Variants in PDCL2 observed in about 807,000 individuals in gnomAD.
The protein encoded by PDCL2 is phosducin-like protein 2.
In PDCL2, 23 loss-of-function variants were observed where a neutral mutation model predicts 30.3. The observed-to-expected ratio is 0.76, with a 90% CI of 0.55 to 1.08. PDCL2 has a LOEUF of 1.08. PDCL2 is among the 50% of genes least tolerant of loss of function. The pLI, the probability that PDCL2 is intolerant of heterozygous loss-of-function variation, is 0.00. For missense variants in PDCL2, 243 were observed against 282.3 expected (o/e 0.86, Z 1.00); for synonymous variants, 68 against 86.2 (o/e 0.79, Z 1.17).
intron 4 of PDCL2, among the ~76,000 whole-genome samples, chr4:55,565,750 C>A (rs1156477062): frequency 6.6e-6 from 1 of 152,082 alleles, no homozygotes; most frequent in Non-Finnish European, 1.5e-5. Flanking sequence ...ACCTCAGCCT[C>A]CAAATTTTGG....
chr4:55,560,015 T>C (rs957962643), intron 5 of PDCL2, among the ~76,000 whole-genome samples: 1 of 152,178 alleles, frequency 6.6e-6, no homozygotes, highest in Non-Finnish European at 1.5e-5. Flanking sequence ...GAGTTTGTTA[T>C]GTAAGATGAA....
At chr4:55,592,080 G>A (rs1184986248) in intron 1 of PDCL2, 24 bp downstream of exon 1, 4 of 1,608,294 alleles carry the variant, frequency 2.5e-6, no homozygotes, top group Non-Finnish European at 3.4e-6. Flanking sequence ...GTTCCAGGGT[G>A]GCTCGGCAGG....
intron 1 of PDCL2, among the ~76,000 whole-genome samples, chr4:55,590,196 C>CAAAAAAAAAAAAAAAAAAAAAAAAAAA: frequency 2.7e-5 from 1 of 37,094 alleles, no homozygotes; most frequent in Non-Finnish European, 4.2e-5. Flanking sequence ...GGCTCTGTCT[C>CAAAAAAAAAAAAAAAAAAAAAAAAAAA]AAAAAAAAAA....
chr4:55,591,800 T>C lies in PDCL2; in HGVS notation c.6+304A>G, dbSNP rs1733009280. On this transcript the variant is annotated intron_variant, in intron 1 of 5. Transcript: ENST00000295645. The stretch of plus-strand genomic sequence containing the variant: ...CACTTGGGCTAACGTTGCCGCTCTA[T>C]TAAGTCAAAAATAGTATTCAGCAGT... 1.3e-5 allele frequency among the ~76,000 whole-genome samples: 2 copies of C among 152,188 alleles called. 1 individual carries two copies. Among genetic ancestry groups the C allele is most frequent in the South Asian group, 4.1e-4 (2 of 4,828 alleles).
Position 55,582,241 on chromosome 4 carries a change from C to T in PDCL2, c.7-4G>A, listed in dbSNP as rs1463432253. 6.3e-7 allele frequency: 1 copy of T among 1,584,220 alleles called. No homozygotes were observed. Among genetic ancestry groups the T allele is most frequent in the Non-Finnish European group, 8.5e-7 (1 of 1,171,418 alleles). ...ATTCTGTATCTTCATTGGGATCCTACACAAAAAGAAAAGAAAAGAAAATTA... is the reference window on the plus strand; with the variant it reads ...ATTCTGTATCTTCATTGGGATCCTATACAAAAAGAAAAGAAAAGAAAATTA... On this transcript the variant is annotated splice_region_variant and splice_polypyrimidine_tract_variant and intron_variant, in intron 1 of 5. Transcript: ENST00000295645.
At chr4:55,557,301 G>A (rs1424774510) in intron 5 of PDCL2, among the ~76,000 whole-genome samples, 1 of 152,220 alleles carries the variant, frequency 6.6e-6, no homozygotes, top group Non-Finnish European at 1.5e-5. Flanking sequence ...ATAAAGAACA[G>A]AGATTTATTT....
intron 1 of PDCL2, among the ~76,000 whole-genome samples, chr4:55,582,765 G>GCCCC (rs1732759957): frequency 7.6e-6 from 1 of 132,008 alleles, no homozygotes; most frequent in Non-Finnish European, 1.6e-5. Context: ...CCTCCCCCAA[G>GCCCC]CCCATGACAG....
chr4:55,589,084 C>T (rs1221415850), intron 1 of PDCL2, among the ~76,000 whole-genome samples: 1 of 152,134 alleles, frequency 6.6e-6, no homozygotes, highest in Non-Finnish European at 1.5e-5. Flanking sequence ...TGGTCTCGAT[C>T]TCCTGACCTC....
intron 4 of PDCL2, among the ~76,000 whole-genome samples, chr4:55,565,296 T>A (rs1161191618): frequency 1.3e-5 from 2 of 152,120 alleles, no homozygotes; most frequent in African/African-American, 4.8e-5. Flanking sequence ...ACATGAGGAC[T>A]GTATTAGTCC....
chr4:55,582,407 C>T (rs1732741726), intron 1 of PDCL2, among the ~76,000 whole-genome samples, 170 bp from the exon 2 acceptor site: 1 of 152,168 alleles, frequency 6.6e-6, no homozygotes, highest in African/African-American at 2.4e-5. Flanking sequence ...CTTCCCAGCA[C>T]TAATGGGATT....
Position 55,561,353 on chromosome 4 carries a change from G to A in PDCL2, c.571+1051C>T, listed in dbSNP as rs1732132810. Among the ~76,000 whole-genome samples the A allele has an allele frequency of 3.9e-5, 6 of 152,230 alleles. No homozygotes were observed. In the South Asian group the frequency reaches 1.2e-3, roughly 32 times the overall value. ...GAGGCGGGCGGATCTCCTGAGATCA[G>A]GAGTTCAAGACCAGCCTGGCCAACA... On this transcript the variant is annotated intron_variant, in intron 5 of 5. Transcript: ENST00000295645.
intron 3 of PDCL2, among the ~76,000 whole-genome samples, chr4:55,576,094 T>TC (rs1264975174): frequency 6.6e-6 from 1 of 152,030 alleles, no homozygotes; most frequent in Non-Finnish European, 1.5e-5. Context: ...GGAATTGGTT[T>TC]CTTTTTTTTT....
intron 4 of PDCL2, 23 bp from the exon 5 acceptor site, chr4:55,562,635 C>G (rs1732164770): frequency 6.7e-7 from 1 of 1,491,684 alleles, no homozygotes; most frequent in African/African-American, 1.4e-5. Context: ...ACAGTACACA[C>G]AATCTTTAAT....
In PDCL2 at chr4:55,556,646, C is replaced by T. The variant is rs1172830983; in HGVS notation, c.637G>A (p.Asp213Asn). 3.8e-6 allele frequency: 6 copies of T among 1,571,874 alleles called. No homozygotes were observed. Among genetic ancestry groups the T allele is most frequent in the Non-Finnish European group, 5.2e-6 (6 of 1,156,438 alleles). ...GAAGATACCATCATATCTACCATGT[C>T]TTTTCTGGGGTTTTCTTCCAAATCA... is the stretch of plus-strand genomic sequence containing the variant. The part of the protein sequence containing the change: ...QTDLEENPRK[D>N]MVDMMVSSIR... The change falls in exon 6 of 6, where the codon GAC (aspartate) becomes AAC (asparagine). Residue 213 changes from aspartate to asparagine, a missense_variant. Transcript: ENST00000295645.
At chr4:55,578,335 G>A (rs1732622876) in intron 3 of PDCL2, among the ~76,000 whole-genome samples, 1 of 152,120 alleles carries the variant, frequency 6.6e-6, no homozygotes, top group South Asian at 2.1e-4. Context: ...AGCTGTGTCA[G>A]AAATACAGGT....
At chr4:55,570,038 T>C (rs1477085219) in intron 3 of PDCL2, among the ~76,000 whole-genome samples, 177 bp from the exon 4 acceptor site, 1 of 152,166 alleles carries the variant, frequency 6.6e-6, no homozygotes, top group Non-Finnish European at 1.5e-5. Context: ...TATGCAAATT[T>C]GTGTTATCAT....
At chr4:55,574,873 T>C (rs1302697791) in intron 3 of PDCL2, among the ~76,000 whole-genome samples, 1 of 152,244 alleles carries the variant, frequency 6.6e-6, no homozygotes, top group Non-Finnish European at 1.5e-5. Context: ...TTGTGAATAA[T>C]GTTGCTATGG....
chr4:55,568,109 G>T (rs1293071123), intron 4 of PDCL2, among the ~76,000 whole-genome samples: 1 of 152,126 alleles, frequency 6.6e-6, no homozygotes, highest in African/African-American at 2.4e-5. Flanking sequence ...TGCATAAATT[G>T]CTCTGTATAT....
intron 1 of PDCL2, among the ~76,000 whole-genome samples, chr4:55,590,491 AT>A (rs1489632832): frequency 7.3e-4 from 107 of 147,010 alleles, no homozygotes; most frequent in African/African-American, 2.4e-3. Context: ...TGAACTATGA[AT>A]TTTTTCCCCC....
Sources: gnomAD v4.1 joint callset for allele counts (sites outside exome capture counted in the v4.1 genomes callset) on GRCh38, gnomAD v4.1.1 for gene constraint, MANE v1.5 for transcripts, NCBI Gene and HGNC (gene_info 2026-07-23, HGNC 2026-07-21) for gene names.